FAM227A: variants seen among roughly 807,000 people sequenced by gnomAD.
FAM227A encodes the protein protein FAM227A.
Under a neutral mutation model 74.7 loss-of-function variants are expected in FAM227A, and 80 were observed. That is an observed-to-expected ratio of 1.07 (90% CI 0.89 to 1.29). The LOEUF is 1.29. Among genes scored for constraint, FAM227A ranks in the 50% most tolerant of loss-of-function variants. The probability of loss-of-function intolerance (pLI) is 0.00; values close to 1 mark genes in which losing one functional copy is unlikely to be tolerated. For synonymous variants in FAM227A, 237 were observed against 241.8 expected (o/e 0.98, Z 0.19); for missense variants, 654 against 683.4 (o/e 0.96, Z 0.48).
intron 11 of FAM227A, among the ~76,000 whole-genome samples, chr22:38,616,992 G>T (rs1187598239): frequency 6.6e-6 from 1 of 152,028 alleles, no homozygotes; most frequent in Admixed American, 6.6e-5. Flanking sequence ...CTGACTGCTT[G>T]TGATTTCTCA....
At chr22:38,607,989 T>G (rs2091322585) in intron 11 of FAM227A, among the ~76,000 whole-genome samples, 2 of 151,772 alleles carry the variant, frequency 1.3e-5, no homozygotes, top group Admixed American at 1.3e-4. Context: ...TAACAGGAAA[T>G]AGACAGTTAT....
At chr22:38,642,560 ACACTGTCAAGAGAATGAAGTGACAAGT>A (rs1827824282) in intron 3 of FAM227A, among the ~76,000 whole-genome samples, 1 of 152,244 alleles carries the variant, frequency 6.6e-6, no homozygotes, top group Admixed American at 6.5e-5. Context: ...CTGTGAAAAG[ACACTGTCAAGAGAATGAAGTGACAAGT>A]CACATATTAG....
intron 11 of FAM227A, among the ~76,000 whole-genome samples, chr22:38,609,120 G>A (rs1272421002): frequency 6.6e-6 from 1 of 152,144 alleles, no homozygotes; most frequent in East Asian, 1.9e-4. Context: ...GGTCCAAGGA[G>A]GCATCTGGAG....
At chr22:38,590,279 C>CAAAAAAAAAAAAAAAAAAAAAAAAAA in intron 16 of FAM227A, among the ~76,000 whole-genome samples, 1 of 58,026 alleles carries the variant, frequency 1.7e-5, no homozygotes, top group Non-Finnish European at 3.2e-5. Context: ...GACTCCATCT[C>CAAAAAAAAAAAAAAAAAAAAAAAAAA]AAAAAAAAAA....
intron 12 of FAM227A, among the ~76,000 whole-genome samples, chr22:38,605,676 T>C (rs1002842646): frequency 2.0e-5 from 3 of 152,222 alleles, no homozygotes; most frequent in Admixed American, 2.0e-4. Flanking sequence ...TCAAATATTT[T>C]CTAATTTCCC....
chr22:38,626,342 T>C (rs1306830137), intron 8 of FAM227A, 39 bp from the exon 9 acceptor site: 9 of 1,535,270 alleles, frequency 5.9e-6, no homozygotes, highest in Non-Finnish European at 7.0e-6. Context: ...TTCTCAACAT[T>C]TCCACCCGGC....
At chr22:38,623,038 G>C (rs1205175275) in intron 10 of FAM227A, 134 bp downstream of exon 10, 12 of 631,946 alleles carry the variant, frequency 1.9e-5, no homozygotes, top group Non-Finnish European at 3.1e-5. Flanking sequence ...GAAGAATTTT[G>C]GTGGCTAATT....
intron 11 of FAM227A, among the ~76,000 whole-genome samples, chr22:38,613,424 T>TATATAATATATATTATATATTATATA (rs71197123): frequency 3.5e-5 from 4 of 113,526 alleles, no homozygotes; most frequent in African/African-American, 7.1e-5. Context: ...ATATATATAA[T>TATATAATATATATTATATATTATATA]TTGTTTGTTT....
intron 13 of FAM227A, among the ~76,000 whole-genome samples, chr22:38,604,833 A>C (rs2091251215): frequency 6.6e-6 from 1 of 151,948 alleles, no homozygotes; most frequent in South Asian, 2.1e-4. Context: ...TGTATTTTTT[A>C]GTAGAGACAG....
chr22:38,642,711 G>A (rs551947192), intron 3 of FAM227A, among the ~76,000 whole-genome samples: 12 of 152,200 alleles, frequency 7.9e-5, no homozygotes, highest in African/African-American at 1.7e-4. Flanking sequence ...CAAGGTGAGC[G>A]GATCACTTGA....
Position 38,585,842 on chromosome 22 carries a change from C to A in FAM227A, c.*283G>T. ...CATACGGCTGGTATGAAAGTTTTAC[C>A]TTTGTATGAGGTCATATTTGTAACA... On this transcript the variant is annotated 3_prime_UTR_variant, in exon 17 of 17. Transcript: ENST00000535113. 1 of 620,516 alleles carries A rather than the reference C, an allele frequency of 1.6e-6. No individual in the cohort carries two copies. The highest frequency in any genetic ancestry group is 2.6e-6 in the Non-Finnish European group (1 of 382,384). The allele number at this position is 620,516 out of a possible 1,614,324, so 38.4% of individuals were successfully genotyped here. A position where few individuals can be genotyped will look rare whatever the true frequency, so the allele number is the denominator to read the frequency against.
rs143259669 is a variant in FAM227A, at chr22:38,632,984, G to A, written c.519+3467C>T. On this transcript the variant is annotated intron_variant, in intron 6 of 16. Transcript: ENST00000535113. ...ACAGCTCCTCCAAGAAGTCCCAGGC[G>A]AGGGCTGGTGCGGAGCTGAGAAGGC... 1.9e-3 allele frequency among the ~76,000 whole-genome samples: 297 copies of A among 152,340 alleles called. 1 individual carries two copies. Among genetic ancestry groups the A allele is most frequent in the Middle Eastern group, 6.8e-3 (2 of 294 alleles).
At chr22:38,619,298 G>A (rs752515449) in intron 11 of FAM227A, among the ~76,000 whole-genome samples, 67 of 151,936 alleles carry the variant, frequency 4.4e-4, no homozygotes, top group African/African-American at 1.5e-3. Context: ...TCATTTTATT[G>A]GCTAGAAGTA....
chr22:38,649,853 G>A, intron 2 of FAM227A, 174 bp downstream of exon 2: 2 of 614,958 alleles, frequency 3.3e-6, no homozygotes, highest in Non-Finnish European at 2.7e-6. Flanking sequence ...GGGTAACAGT[G>A]TGAAACTCCA....
intron 1 of FAM227A, chr22:38,653,920 TTACGTAAATCATAATTATGAGTTATAAC>T (rs1479166814): frequency 6.6e-6 from 1 of 152,176 alleles, no homozygotes; most frequent in Admixed American, 6.5e-5. Flanking sequence ...AATGAGTCAA[TTACGTAAATCATAATTATGAGTTATAAC>T]TGTCATCACT....
chr22:38,627,657 T>C (rs376272985), intron 8 of FAM227A, among the ~76,000 whole-genome samples: 93 of 152,208 alleles, frequency 6.1e-4, no homozygotes, highest in African/African-American at 2.2e-3. Context: ...CAGGCTGTAG[T>C]GCAATGCTGC....
At chr22:38,650,860 G>T (rs751559223) in intron 1 of FAM227A, among the ~76,000 whole-genome samples, 1 of 152,142 alleles carries the variant, frequency 6.6e-6, no homozygotes, top group Non-Finnish European at 1.5e-5. Flanking sequence ...ACTTCCATCT[G>T]TGGGCCCTCT....
intron 11 of FAM227A, among the ~76,000 whole-genome samples, chr22:38,612,894 T>C (rs760138038): frequency 5.3e-5 from 8 of 150,808 alleles, no homozygotes; most frequent in Non-Finnish European, 8.8e-5. Flanking sequence ...AGGGTAGCTG[T>C]GCACCTTTAA....
Position 38,623,221 on chromosome 22 carries a change from C to T in FAM227A, c.909G>A (p.Glu303=). ...ACATTAATTCTTCTCTGCGGAATCG[C>T]TCTGGGTCTAGTTCCGAGTAGTCCC... ...DSWDYSELDP[E]RFRREELMLY... Residue 303 remains glutamate, a synonymous_variant, in exon 10 of 17, where the codon GAG becomes GAA. Transcript: ENST00000535113. 1 of 1,551,694 alleles carries T rather than the reference C, an allele frequency of 6.4e-7. No homozygotes were observed. Among genetic ancestry groups the T allele is most frequent in the Non-Finnish European group, 8.7e-7 (1 of 1,146,968 alleles).
Sources: allele counts gnomAD v4.1 joint callset (sites outside exome capture counted in the v4.1 genomes callset), GRCh38; gene constraint gnomAD v4.1.1; transcripts MANE v1.5; gene names NCBI Gene and HGNC (gene_info 2026-07-23, HGNC 2026-07-21).